Variants in AGO2 observed in about 807,000 individuals in gnomAD.
AGO2 encodes the protein argonaute RISC catalytic component 2.
In AGO2, 5 loss-of-function variants were observed where a neutral mutation model predicts 102.3. The observed-to-expected ratio is 0.05, with a 90% CI of 0.03 to 0.10. The LOEUF (loss-of-function observed/expected upper bound fraction) is 0.10, where lower values mean the gene tolerates loss of function less well. Among genes scored for constraint, AGO2 ranks in the 10% least tolerant of loss-of-function variants. The probability of loss-of-function intolerance (pLI) is 1.00; values close to 1 mark genes in which losing one functional copy is unlikely to be tolerated. For missense variants in AGO2, 541 were observed against 1,183.7 expected (o/e 0.46, Z 7.97); for synonymous variants, 449 against 473.1 (o/e 0.95, Z 0.66).
chr8:140,600,388 T>G (rs2073914615), intron 1 of AGO2, among the ~76,000 whole-genome samples: 2 of 152,108 alleles, frequency 1.3e-5, no homozygotes, highest in Admixed American at 6.6e-5. Context: ...GGTCTACAGA[T>G]CCAAAACACA....
At chr8:140,640,811 G>A in the AGO2 span, among the ~76,000 whole-genome samples, 2 of 151,962 alleles carry the variant, frequency 1.3e-5, no homozygotes, top group East Asian at 1.9e-4. Context: ...GAGCCACCAC[G>A]CCTGGCCCAG....
upstream of AGO2, among the ~76,000 whole-genome samples, chr8:140,640,555 G>A (rs1434798868): frequency 9.9e-5 from 15 of 151,646 alleles, no homozygotes; most frequent in Admixed American, 9.8e-4. Flanking sequence ...GTCTCGCTCT[G>A]TTGCACAGGC....
intron 2 of AGO2, among the ~76,000 whole-genome samples, chr8:140,583,372 A>C (rs2073587858): frequency 1.3e-5 from 2 of 152,154 alleles, no homozygotes; most frequent in South Asian, 4.1e-4. Context: ...ATATCTATAG[A>C]TATATGTACA....
In AGO2 at chr8:140,557,007, G is replaced by A. The variant is rs966034444; in HGVS notation, c.1026+82C>T. On this transcript the variant is annotated intron_variant, in intron 8 of 18. Transcript: ENST00000220592. This position sits in a 1 kb window ranked among gnomAD's most constrained non-coding sequence, Gnocchi z 5.9. ...CCATTTGTATCTGACTGGGGCCTCG[G>A]CGGTTTCTCGAAGCTGCATGCCCCA... The A allele has an allele frequency of 2.0e-6, 3 of 1,517,834 alleles. No homozygotes were observed. In the East Asian group the frequency reaches 6.9e-5, roughly 35 times the overall value. 94.0% of individuals were successfully genotyped at this position (1,517,834 alleles called of 1,614,324 possible).
chr8:140,546,990 G>A (rs528707885), intron 13 of AGO2, among the ~76,000 whole-genome samples: 26 of 152,308 alleles, frequency 1.7e-4, no homozygotes, highest in African/African-American at 4.3e-4. Context: ...GGTGGCCAGC[G>A]CTTGGCCACA....
chr8:140,548,673 C>T (rs2072944040), intron 12 of AGO2, among the ~76,000 whole-genome samples: 1 of 152,332 alleles, frequency 6.6e-6, no homozygotes, highest in East Asian at 1.9e-4. Context: ...CAGCGTGGGG[C>T]CCTGTGGGTG....
At position 140,633,956 on chromosome 8, in the gene AGO2, A is replaced by T. The variant is rs1159584980; in HGVS notation, c.22+1529T>A. Among the ~76,000 whole-genome samples the T allele has an allele frequency of 2.0e-5, 3 of 152,216 alleles. No individual in the cohort carries two copies. In the South Asian group the frequency reaches 6.2e-4, roughly 31 times the overall value. ...TGGGCCTCCAACTTTTAAAACCGAT[A>T]ACCTGAAAAAATGTAGTGCTGTCAG... On this transcript the variant is annotated intron_variant, in intron 1 of 18. Coordinates refer to ENST00000220592, the MANE Select transcript of AGO2 (RefSeq NM_012154.5).
chr8:140,594,120 G>A (rs540529463), intron 1 of AGO2, among the ~76,000 whole-genome samples: 10 of 152,234 alleles, frequency 6.6e-5, no homozygotes, highest in South Asian at 6.2e-4. Context: ...CAGGGCGCTC[G>A]TCTTCAGAAG....
intron 13 of AGO2, among the ~76,000 whole-genome samples, 153 bp from the exon 14 acceptor site, chr8:140,544,456 T>C (rs1451161548): frequency 6.6e-6 from 1 of 152,228 alleles, no homozygotes; most frequent in East Asian, 1.9e-4. Context: ...CTAAAAACCC[T>C]GCAGATTAAA....
In AGO2 at chr8:140,589,014, A is replaced by T. The variant is rs1373452133; in HGVS notation, c.23-3703T>A. On this transcript the variant is annotated intron_variant, in intron 1 of 18. Coordinates refer to ENST00000220592, the MANE Select transcript of AGO2 (RefSeq NM_012154.5). The surrounding 1 kb of genome is among the most constrained non-coding windows in gnomAD (Gnocchi z 4.2). ...CTGTGTGAGCAACTGGGTCACAGGGAACAAAAAATTTCAGTATACACAGCG... is the reference window on the plus strand; with the variant it reads ...CTGTGTGAGCAACTGGGTCACAGGGTACAAAAAATTTCAGTATACACAGCG... Among the ~76,000 whole-genome samples the T allele has an allele frequency of 1.3e-5, 2 of 152,346 alleles. No individual in the cohort carries two copies. The highest frequency in any genetic ancestry group is 1.3e-4 in the Admixed American group (2 of 15,312).
At chr8:140,536,213 AC>A (rs1239036384) in intron 16 of AGO2, among the ~76,000 whole-genome samples, 1 of 151,458 alleles carries the variant, frequency 6.6e-6, no homozygotes, top group Non-Finnish European at 1.5e-5. Flanking sequence ...GCAAACCCCC[AC>A]CCCACAAGCC....
At chr8:140,543,775 A>G (rs2072843207) in intron 14 of AGO2, among the ~76,000 whole-genome samples, 1 of 152,216 alleles carries the variant, frequency 6.6e-6, no homozygotes, top group South Asian at 2.1e-4. Flanking sequence ...TTTTACACCC[A>G]AGAAAGTTCT....
At chr8:140,549,772 C>T (rs1271400371) in intron 11 of AGO2, among the ~76,000 whole-genome samples, 1 of 152,228 alleles carries the variant, frequency 6.6e-6, no homozygotes, top group African/African-American at 2.4e-5. Flanking sequence ...TTCTGATGGG[C>T]ATAACTTGGA....
At chr8:140,580,135 G>A (rs2073532612) in intron 2 of AGO2, among the ~76,000 whole-genome samples, 1 of 152,204 alleles carries the variant, frequency 6.6e-6, no homozygotes, top group Non-Finnish European at 1.5e-5. Context: ...CTCAAGACTG[G>A]CTGTGTTGTG....
rs568086386 is a variant in AGO2, at chr8:140,612,684, G to A, written c.22+22801C>T. On this transcript the variant is annotated intron_variant, in intron 1 of 18. Transcript: ENST00000220592. ...GGAGAATCGCTTGAACCCAGGAGGC[G>A]GAGGTTGCAGTGAGCCGAGACTGCG... 8.4e-3 allele frequency among the ~76,000 whole-genome samples: 1,272 copies of A among 152,018 alleles called. 19 individuals carry two copies. The highest frequency in any genetic ancestry group is 8.8e-3 in the Non-Finnish European group (596 of 67,986).
intron 2 of AGO2, among the ~76,000 whole-genome samples, chr8:140,576,974 G>A (rs187938251): frequency 5.9e-5 from 9 of 152,220 alleles, no homozygotes; most frequent in South Asian, 2.1e-4. Context: ...TTGGGAGGCC[G>A]AAGCAGGTGG....
At chr8:140,541,855 A>C (rs2132880236) in intron 14 of AGO2, among the ~76,000 whole-genome samples, 3 of 152,066 alleles carry the variant, frequency 2.0e-5, no homozygotes, top group Middle Eastern at 6.8e-3. Flanking sequence ...GTGAGCCGAG[A>C]TCACACCACG....
chr8:140,629,876 C>G (rs1462847163), intron 1 of AGO2, among the ~76,000 whole-genome samples: 2 of 88,592 alleles, frequency 2.3e-5, no homozygotes, highest in African/African-American at 4.3e-5. Flanking sequence ...GGGAGGGGAG[C>G]AGGGGGAAGA....
intron 1 of AGO2, among the ~76,000 whole-genome samples, chr8:140,617,336 C>G (rs1231020436): frequency 6.6e-6 from 1 of 151,932 alleles, no homozygotes; most frequent in Non-Finnish European, 1.5e-5. Flanking sequence ...ACTTCAACCT[C>G]CACCTCCAGG....
Sources: allele counts gnomAD v4.1 joint callset (sites outside exome capture counted in the v4.1 genomes callset), GRCh38; gene constraint gnomAD v4.1.1; non-coding constraint Gnocchi (gnomAD v3.1); transcripts MANE v1.5; gene names NCBI Gene and HGNC (gene_info 2026-07-23, HGNC 2026-07-21).